The following COX7B2 variants were observed in gnomAD, a reference collection of about 807,000 sequenced individuals.
COX7B2 encodes cytochrome c oxidase subunit 7B2, mitochondrial.
For missense variants in COX7B2, 109 were observed against 95.9 expected (o/e 1.14, Z -0.57); for synonymous variants, 37 against 32.1 (o/e 1.15, Z -0.51).
At chr4:46,766,280 A>C (rs952918695) in intron 2 of COX7B2, among the ~76,000 whole-genome samples, 1 of 152,206 alleles carries the variant, frequency 6.6e-6, no homozygotes, top group Non-Finnish European at 1.5e-5. Flanking sequence ...AAAACATTTA[A>C]ATCTATATAA....
chr4:46,735,770 T>C (rs1714326986), intron 2 of COX7B2, among the ~76,000 whole-genome samples: 1 of 152,182 alleles, frequency 6.6e-6, no homozygotes, highest in South Asian at 2.1e-4. Flanking sequence ...TCTCACTAAG[T>C]TGAATACACC....
intron 1 of COX7B2, among the ~76,000 whole-genome samples, chr4:46,869,957 C>T (rs367659526): frequency 3.2e-4 from 48 of 152,210 alleles, no homozygotes; most frequent in African/African-American, 1.1e-3. Context: ...GAACCATATA[C>T]TGAAATATGT....
chr4:46,872,366 T>C (rs1718046129), intron 1 of COX7B2, among the ~76,000 whole-genome samples: 1 of 152,060 alleles, frequency 6.6e-6, no homozygotes, highest in Non-Finnish European at 1.5e-5. Context: ...AACGTAACTA[T>C]TGAGTACTAG....
chr4:46,753,834 C>T (rs1288421499), intron 2 of COX7B2, among the ~76,000 whole-genome samples: 1 of 152,100 alleles, frequency 6.6e-6, no homozygotes, highest in Non-Finnish European at 1.5e-5. Context: ...GGCTAATATC[C>T]AGAATCTACA....
intron 2 of COX7B2, among the ~76,000 whole-genome samples, chr4:46,812,213 G>A (rs1036854326): frequency 1.3e-5 from 2 of 152,082 alleles, no homozygotes; most frequent in Admixed American, 1.3e-4. Flanking sequence ...CAGAACTTGA[G>A]GCCATAGGCT....
chr4:46,875,160 AATTTTTCTGTTTTGCTTTTTAAATAGG>A (rs1718245133), intron 1 of COX7B2, among the ~76,000 whole-genome samples: 1 of 152,142 alleles, frequency 6.6e-6, no homozygotes, highest in Non-Finnish European at 1.5e-5. Context: ...AGTTCTTTGT[AATTTTTCTGTTTTGCTTTTTAAATAGG>A]AATTTTGTAG....
At chr4:46,744,870 C>T (rs151172203) in intron 2 of COX7B2, among the ~76,000 whole-genome samples, 229 of 151,104 alleles carry the variant, frequency 1.5e-3, no homozygotes, top group African/African-American at 5.2e-3. Context: ...AGCTGGACTA[C>T]AGGCGCACGC....
At position 46,854,364 on chromosome 4, in the gene COX7B2, G is replaced by A. The variant is rs575727204; in HGVS notation, c.-104-9350C>T. ...ACAGTATACAGTAATCAAGAAAGCT[G>A]ACAGATTTGACGGTATGAATAGGAA... is the stretch of plus-strand genomic sequence containing the variant. On this transcript the variant is annotated intron_variant, in intron 1 of 2. Coordinates refer to ENST00000355591, the MANE Select transcript of COX7B2 (RefSeq NM_130902.3). Among the ~76,000 whole-genome samples, 7 of 152,284 alleles carry A rather than the reference G, an allele frequency of 4.6e-5. No individual in the cohort carries two copies. The South Asian group carries it at 1.2e-3, about 27-fold the overall frequency.
intron 2 of COX7B2, among the ~76,000 whole-genome samples, chr4:46,753,010 A>G (rs1358911447): frequency 2.6e-5 from 4 of 152,034 alleles, no homozygotes; most frequent in Non-Finnish European, 5.9e-5. Flanking sequence ...TCCTCCTTGT[A>G]CCTCTGGTAG....
At chr4:46,816,584 T>C (rs1013564023) in intron 2 of COX7B2, among the ~76,000 whole-genome samples, 7 of 152,236 alleles carry the variant, frequency 4.6e-5, no homozygotes, top group African/African-American at 1.7e-4. Context: ...CCTGCAGTTA[T>C]GAGCAAAGCA....
intron 1 of COX7B2, among the ~76,000 whole-genome samples, chr4:46,861,060 T>G (rs757283253): frequency 4.6e-5 from 7 of 152,226 alleles, no homozygotes; most frequent in Non-Finnish European, 8.8e-5. Context: ...CTTCTAAGAT[T>G]GCAGATTAGA....
intron 2 of COX7B2, among the ~76,000 whole-genome samples, chr4:46,819,666 A>G (rs1297001335): frequency 6.6e-6 from 1 of 152,268 alleles, no homozygotes; most frequent in Non-Finnish European, 1.5e-5. Flanking sequence ...CAAGGGTTAG[A>G]CAAGCTTGTG....
chr4:46,875,653 A>G (rs1354657636), intron 1 of COX7B2, among the ~76,000 whole-genome samples: 1 of 152,016 alleles, frequency 6.6e-6, no homozygotes, highest in African/African-American at 2.4e-5. Context: ...GGCTTGGGAA[A>G]CAGCATCCCA....
intron 2 of COX7B2, among the ~76,000 whole-genome samples, chr4:46,783,596 C>A (rs1014209075): frequency 6.6e-6 from 1 of 152,188 alleles, no homozygotes; most frequent in Admixed American, 6.5e-5. Flanking sequence ...AGGGGATCAT[C>A]CTATTTTTCT....
chr4:46,841,482 G>A (rs909572809), intron 2 of COX7B2, among the ~76,000 whole-genome samples: 2 of 151,748 alleles, frequency 1.3e-5, no homozygotes, highest in African/African-American at 2.4e-5. Flanking sequence ...AGGTTAAACT[G>A]ATTTTCATAA....
chr4:46,896,655 A>G (rs1719779508), intron 1 of COX7B2, among the ~76,000 whole-genome samples: 1 of 151,912 alleles, frequency 6.6e-6, no homozygotes, highest in South Asian at 2.1e-4. Flanking sequence ...GAAAAAAAAA[A>G]GGACTAGAAG....
chr4:46,894,678 A>T lies in COX7B2; in HGVS notation c.-105+14482T>A, dbSNP rs546166673. On this transcript the variant is annotated intron_variant, in intron 1 of 2. Coordinates refer to ENST00000355591, the MANE Select transcript of COX7B2 (RefSeq NM_130902.3). The stretch of plus-strand genomic sequence containing the variant: ...TTAAGAGCTTCTGCCCAGCAAAAGA[A>T]ACCATCAACAAAGTACACAGACAAC... Among the ~76,000 whole-genome samples the T allele has an allele frequency of 9.8e-5, 15 of 152,332 alleles. No individual in the cohort carries two copies. The South Asian group carries it at 3.1e-3, about 32-fold the overall frequency.
chr4:46,853,260 T>C (rs1047149059), intron 1 of COX7B2, among the ~76,000 whole-genome samples: 1 of 152,180 alleles, frequency 6.6e-6, no homozygotes, highest in African/African-American at 2.4e-5. Context: ...TTTATCAGTA[T>C]ATACGCTAAA....
At chr4:46,790,676 G>A (rs1717993706) in intron 2 of COX7B2, among the ~76,000 whole-genome samples, 1 of 151,916 alleles carries the variant, frequency 6.6e-6, no homozygotes, top group Non-Finnish European at 1.5e-5. Context: ...TATCCACCTG[G>A]ACTTTAGTAT....
Sources: gnomAD v4.1 joint callset for allele counts (sites outside exome capture counted in the v4.1 genomes callset) on GRCh38, gnomAD v4.1.1 for gene constraint, MANE v1.5 for transcripts, NCBI Gene and HGNC (gene_info 2026-07-23, HGNC 2026-07-21) for gene names.